Variants in MARCHF1 observed in about 807,000 individuals in gnomAD.
The protein encoded by MARCHF1 is E3 ubiquitin-protein ligase MARCHF1.
Under a neutral mutation model 54.2 loss-of-function variants are expected in MARCHF1, and 40 were observed. The observed-to-expected ratio is 0.74, with a 90% confidence interval of 0.57 to 0.96. The LOEUF (loss-of-function observed/expected upper bound fraction) is 0.96. Among genes scored for constraint, MARCHF1 ranks in the 40% least tolerant of loss-of-function variants. The pLI, the probability that MARCHF1 is intolerant of heterozygous loss-of-function variation, is 0.00. For synonymous variants in MARCHF1, 236 were observed against 236.3 expected, an observed-to-expected ratio of 1.00 and a Z score of 0.01; for missense variants, 586 against 656.5, an observed-to-expected ratio of 0.89 and a Z score of 1.17.
At chr4:163,702,302 T>C (rs1744833602) in intron 4 of MARCHF1, among the ~76,000 whole-genome samples, 1 of 152,172 alleles carries the variant, frequency 6.6e-6, no homozygotes, top group Admixed American at 6.6e-5. Context: ...GGGAGGCACT[T>C]TTCTACTGAC....
At chr4:164,282,730 G>T (rs1734056972) in intron 1 of MARCHF1, among the ~76,000 whole-genome samples, 1 of 151,254 alleles carries the variant, frequency 6.6e-6, no homozygotes, top group South Asian at 2.1e-4. Flanking sequence ...AAATCTGAGA[G>T]ACCAGAACAT....
At chr4:164,197,648 G>C in intron 1 of MARCHF1, 1 of 1,612,918 alleles carries the variant, frequency 6.2e-7, no homozygotes, top group East Asian at 2.2e-5. Flanking sequence ...TCCAGGGCAA[G>C]TTCTTTCACA....
chr4:164,010,021 A>G (rs990879358), intron 2 of MARCHF1, among the ~76,000 whole-genome samples: 3 of 144,628 alleles, frequency 2.1e-5, no homozygotes, highest in Non-Finnish European at 4.6e-5. Context: ...TGAGTATATT[A>G]TTTTAGCTTT....
intron 1 of MARCHF1, among the ~76,000 whole-genome samples, chr4:164,241,504 T>C (rs1021614640): frequency 1.3e-5 from 2 of 152,152 alleles, no homozygotes; most frequent in Non-Finnish European, 2.9e-5. Context: ...ATGATAAGTG[T>C]TTGTGGTTTT....
intron 7 of MARCHF1, 35 bp from the exon 8 acceptor site, chr4:163,585,964 C>A: frequency 6.4e-7 from 1 of 1,556,550 alleles, no homozygotes; most frequent in Non-Finnish European, 8.7e-7. Context: ...ATGAGATCTC[C>A]CAGAGAACAT....
intron 7 of MARCHF1, among the ~76,000 whole-genome samples, chr4:163,606,084 T>C (rs1390395126): frequency 6.6e-6 from 1 of 152,008 alleles, no homozygotes; most frequent in African/African-American, 2.4e-5. Context: ...GCATAACATA[T>C]ATGAAACCTA....
chr4:163,730,020 T>G (rs1745780542), intron 4 of MARCHF1, among the ~76,000 whole-genome samples: 1 of 152,138 alleles, frequency 6.6e-6, no homozygotes, highest in Non-Finnish European at 1.5e-5. Flanking sequence ...TGTGCTCTTT[T>G]TGTGTGTAGG....
At chr4:164,024,994 G>A (rs193146577) in intron 2 of MARCHF1, among the ~76,000 whole-genome samples, 139 of 150,780 alleles carry the variant, frequency 9.2e-4, no homozygotes, top group African/African-American at 2.9e-3. Context: ...ACAAAGAAGG[G>A]CATTACATGA....
chr4:163,626,708 C>A (rs1741882369), intron 5 of MARCHF1, among the ~76,000 whole-genome samples: 1 of 152,092 alleles, frequency 6.6e-6, no homozygotes, highest in Non-Finnish European at 1.5e-5. Flanking sequence ...GCGGGTGGAT[C>A]ATGAGGTCAG....
At position 163,545,981 on chromosome 4, in the gene MARCHF1, G is replaced by GTT. The variant is rs1164508812; in HGVS notation, c.1192-239_1192-238insAA. Among the ~76,000 whole-genome samples the GTT allele has an allele frequency of 2.2e-5, 3 of 134,718 alleles. No individual in the cohort carries two copies. The East Asian group carries it at 6.7e-4, about 30-fold the overall frequency. The allele number at this position is 134,718 out of a possible 152,430, so 88.4% of individuals were successfully genotyped here. A position where few individuals can be genotyped will look rare whatever the true frequency, so the allele number is the denominator to read the frequency against. Reference sequence around the variant, plus strand: ...TGTGTGTGTGTGTGTGTGTGTGTGTGTGTATTTTTTTGAGACAGGGTCTCA... The same window carrying GTT: ...TGTGTGTGTGTGTGTGTGTGTGTGTGTTTGTATTTTTTTGAGACAGGGTCTCA... On this transcript the variant is annotated intron_variant, in intron 8 of 9. Coordinates refer to ENST00000514618, the MANE Select transcript of MARCHF1 (RefSeq NM_001394959.1).
chr4:164,184,719 C>T (rs1378385454), intron 1 of MARCHF1, among the ~76,000 whole-genome samples: 5 of 152,144 alleles, frequency 3.3e-5, no homozygotes, highest in Admixed American at 1.3e-4. Context: ...GTTGACCTGA[C>T]CATTTGAGAT....
intron 4 of MARCHF1, among the ~76,000 whole-genome samples, chr4:163,805,895 T>G (rs1748213235): frequency 6.6e-6 from 1 of 152,198 alleles, no homozygotes; most frequent in Non-Finnish European, 1.5e-5. Flanking sequence ...AATTTTTTTG[T>G]GAGGACTCAA....
intron 3 of MARCHF1, among the ~76,000 whole-genome samples, chr4:163,864,790 T>A (rs1266381248): frequency 6.6e-6 from 1 of 151,948 alleles, no homozygotes; most frequent in East Asian, 1.9e-4. Flanking sequence ...AGTTTGTGTG[T>A]CCAAAGGCTA....
chr4:164,214,686 C>G (rs1429600819), intron 1 of MARCHF1, among the ~76,000 whole-genome samples: 3 of 152,140 alleles, frequency 2.0e-5, no homozygotes, highest in Non-Finnish European at 2.9e-5. Context: ...GGTCAAGGGT[C>G]TTTGGTAAGC....
At chr4:163,784,132 C>T (rs1747546739) in intron 4 of MARCHF1, among the ~76,000 whole-genome samples, 1 of 146,072 alleles carries the variant, frequency 6.8e-6, no homozygotes, top group Admixed American at 7.0e-5. Context: ...TTCTAACCAG[C>T]AGAAATTCTT....
chr4:164,191,152 T>C (rs1403810552), intron 1 of MARCHF1, among the ~76,000 whole-genome samples: 2 of 152,200 alleles, frequency 1.3e-5, no homozygotes, highest in Non-Finnish European at 2.9e-5. Context: ...GTAAACAAGA[T>C]TCGGAGTATG....
intron 9 of MARCHF1, among the ~76,000 whole-genome samples, chr4:163,539,952 T>A (rs1738670258): frequency 6.6e-6 from 1 of 152,192 alleles, no homozygotes; most frequent in African/African-American, 2.4e-5. Context: ...GGTAATAGAA[T>A]GGGGTCCTGG....
chr4:164,333,627 G>A (rs888597143), intron 1 of MARCHF1, among the ~76,000 whole-genome samples: 19 of 151,964 alleles, frequency 1.3e-4, no homozygotes, highest in African/African-American at 3.1e-4. Context: ...CCCTCTCCTC[G>A]GACTTCCCTA....
chr4:164,069,563 G>A (rs1011357711), intron 2 of MARCHF1, among the ~76,000 whole-genome samples: 3 of 152,016 alleles, frequency 2.0e-5, no homozygotes, highest in African/African-American at 7.3e-5. Context: ...CATCGAGAAG[G>A]TCTGCAGCTT....
Sources: gnomAD v4.1 joint callset for allele counts (sites outside exome capture counted in the v4.1 genomes callset) on GRCh38, gnomAD v4.1.1 for gene constraint, MANE v1.5 for transcripts, NCBI Gene and HGNC (gene_info 2026-07-23, HGNC 2026-07-21) for gene names.